NDRG3: variants seen among roughly 807,000 people sequenced by gnomAD.
NDRG3 encodes the protein NDRG family member 3, also known as protein NDRG3.
NDRG3 carries 23 observed loss-of-function variants against 57.2 expected under a neutral mutation model. That is an observed-to-expected ratio of 0.40 (90% confidence interval 0.29 to 0.57). NDRG3 has a LOEUF of 0.57. Among genes scored for constraint, NDRG3 ranks in the 20% least tolerant of loss-of-function variants. The pLI, the probability that NDRG3 is intolerant of heterozygous loss-of-function variation, is 0.42. For synonymous variants in NDRG3, 132 were observed against 162.6 expected, an observed-to-expected ratio of 0.81 and a Z score of 1.43; for missense variants, 384 against 457.3, an observed-to-expected ratio of 0.84 and a Z score of 1.46.
At chr20:36,660,555 TATTTATTTA>T (rs1979087909) in intron 12 of NDRG3, among the ~76,000 whole-genome samples, 171 bp from the exon 13 acceptor site, 1 of 150,918 alleles carries the variant, frequency 6.6e-6, no homozygotes, top group African/African-American at 2.5e-5. Flanking sequence ...TTTATTTATT[TATTTATTTA>T]TTTATTTTTT....
rs756040684 is a variant in NDRG3 at position 36,656,582 on chromosome 20, T to C, written c.859-50A>G. 3.7e-6 allele frequency: 6 copies of C among 1,606,564 alleles called. No homozygotes were observed. The South Asian group carries it at 4.4e-5, about 12-fold the overall frequency. On this transcript the variant is annotated intron_variant, in intron 13 of 15. Transcript: ENST00000349004. Reference sequence around the variant, plus strand: ...CAGCTGGGACTTACCCTTAAGAGAATTGCTCTGAACACCCCAAGTCCTTTC... The same window carrying C: ...CAGCTGGGACTTACCCTTAAGAGAACTGCTCTGAACACCCCAAGTCCTTTC...
At chr20:36,703,410 A>C (rs980302963) in intron 3 of NDRG3, among the ~76,000 whole-genome samples, 11 of 147,344 alleles carry the variant, frequency 7.5e-5, no homozygotes, top group Non-Finnish European at 1.2e-4. Flanking sequence ...AAATATATAT[A>C]TATGTAATAT....
chr20:36,745,970 A>T (rs1986171640), intron 1 of NDRG3, 75 bp downstream of exon 1: 4 of 302,754 alleles, frequency 1.3e-5, no homozygotes, highest in Admixed American at 5.1e-5. Flanking sequence ...GCGGGGAAGG[A>T]GCAGGGCAAA....
chr20:36,745,615 C>G (rs1268092887), intron 1 of NDRG3, among the ~76,000 whole-genome samples: 2 of 152,232 alleles, frequency 1.3e-5, no homozygotes, highest in African/African-American at 2.4e-5. Flanking sequence ...CGGACGGGTG[C>G]AAGGGCTGCT....
chr20:36,731,052 A>G lies in NDRG3; in HGVS notation c.-48-9269T>C, dbSNP rs1985257384. ...AAGAATTATGGAACAATGAATGGAA[A>G]TTAGTGAGCTGAGAAAAAGTAACAG... On this transcript the variant is annotated intron_variant, in intron 1 of 15. Transcript: ENST00000349004. Among the ~76,000 whole-genome samples, 4 of 152,300 alleles carry G rather than the reference A, an allele frequency of 2.6e-5. No homozygotes were observed. The South Asian group carries it at 8.3e-4, about 32-fold the overall frequency.
intron 1 of NDRG3, among the ~76,000 whole-genome samples, chr20:36,736,784 AG>A (rs1234895511): frequency 6.6e-6 from 1 of 152,152 alleles, no homozygotes; most frequent in Non-Finnish European, 1.5e-5. Context: ...CATAAAGGAA[AG>A]TCTGGGTACC....
chr20:36,700,513 G>A, intron 3 of NDRG3: 1 of 531,124 alleles, frequency 1.9e-6, no homozygotes, highest in Non-Finnish European at 3.9e-6. Flanking sequence ...GAAGATGAAT[G>A]TGCAGAGACC....
chr20:36,692,025 T>C (rs1365281246), intron 3 of NDRG3, among the ~76,000 whole-genome samples: 2 of 152,118 alleles, frequency 1.3e-5, no homozygotes, highest in Non-Finnish European at 2.9e-5. Context: ...ATAGGTGCTA[T>C]AAAAGAAACA....
At chr20:36,657,650 T>C (rs564008518) in intron 13 of NDRG3, among the ~76,000 whole-genome samples, 19 of 152,282 alleles carry the variant, frequency 1.2e-4, no homozygotes, top group African/African-American at 4.6e-4. Flanking sequence ...CTGACTGGCT[T>C]TTTTTAAAAA....
At chr20:36,727,404 G>C (rs1985004681) in intron 1 of NDRG3, among the ~76,000 whole-genome samples, 1 of 151,526 alleles carries the variant, frequency 6.6e-6, no homozygotes. Context: ...ATTTTTAGTA[G>C]AGACGGGGTT....
At chr20:36,684,330 A>T (rs1981588753) in intron 6 of NDRG3, 83 bp downstream of exon 6, 3 of 1,171,848 alleles carry the variant, frequency 2.6e-6, no homozygotes, top group Non-Finnish European at 3.8e-6. Context: ...TTTCCTAACC[A>T]TCATATCCTC....
chr20:36,732,771 G>A lies in NDRG3; in HGVS notation c.-48-10988C>T, dbSNP rs566966482. 3.3e-5 allele frequency among the ~76,000 whole-genome samples: 5 copies of A among 152,088 alleles called. No homozygotes were observed. In the South Asian group the frequency reaches 1.0e-3, roughly 32 times the overall value. On this transcript the variant is annotated intron_variant, in intron 1 of 15. Coordinates refer to ENST00000349004, the MANE Select transcript of NDRG3 (RefSeq NM_032013.4). ...GAGGGTACACTTGGCCTGACCCTGG[G>A]GACATGAGGGTCTCAGCTTGTATCT...
chr20:36,687,469 A>C, intron 5 of NDRG3, 23 bp downstream of exon 5: 2 of 1,610,588 alleles, frequency 1.2e-6, no homozygotes, highest in East Asian at 2.2e-5. Context: ...CACGTCTCCC[A>C]GATGATCTTT....
At chr20:36,660,556 A>ATT (rs1487562525) in intron 12 of NDRG3, among the ~76,000 whole-genome samples, 172 bp from the exon 13 acceptor site, 13 of 150,346 alleles carry the variant, frequency 8.6e-5, no homozygotes, top group African/African-American at 2.0e-4. Flanking sequence ...TTATTTATTT[A>ATT]TTTATTTATT....
chr20:36,691,070 T>C (rs6101818), intron 3 of NDRG3, among the ~76,000 whole-genome samples: 9,675 of 152,314 alleles, frequency 0.064, 1,069 homozygotes, highest in African/African-American at 0.22. Flanking sequence ...GTATCTATCT[T>C]ACAAAGTCTT....
At position 36,721,673 on chromosome 20, in the gene NDRG3, C is replaced by A. The variant is rs1332069428; in HGVS notation, c.57+6G>T. 1 of 1,585,756 alleles carries A rather than the reference C, an allele frequency of 6.3e-7. No individual in the cohort carries two copies. Among genetic ancestry groups the A allele is most frequent in the Admixed American group, 1.7e-5 (1 of 58,542 alleles). On this transcript the variant is annotated splice_donor_region_variant and intron_variant, in intron 2 of 15. Coordinates refer to ENST00000349004, the MANE Select transcript of NDRG3 (RefSeq NM_032013.4). ...CATATTTTAGTGAAAACAGAAAAGT[C>A]TTTACCTTATCATTTAGAAGTGGTT...
chr20:36,702,746 T>C (rs1237116790), intron 3 of NDRG3, among the ~76,000 whole-genome samples: 3 of 151,392 alleles, frequency 2.0e-5, no homozygotes, highest in East Asian at 3.9e-4. Flanking sequence ...TGGAGTGCAA[T>C]GGTGCGATCT....
At chr20:36,693,123 TATATATATATATATATATAC>T (rs1434954412) in intron 3 of NDRG3, among the ~76,000 whole-genome samples, 83 of 59,130 alleles carry the variant, frequency 1.4e-3, no homozygotes, top group South Asian at 2.9e-3. Context: ...TATATATATA[TATATATATATATATATATAC>T]ACACACACAC....
rs116253546 is a variant in NDRG3 at position 36,709,875 on chromosome 20, G to A, written c.58-2868C>T. Among the ~76,000 whole-genome samples, 991 of 151,866 alleles carry A rather than the reference G, an allele frequency of 6.5e-3. 11 individuals are homozygous for A. Among genetic ancestry groups the A allele is most frequent in the African/African-American group, 0.022 (925 of 41,386 alleles). ...ATAAGCCAATATAAAAAAATTAAATGTTGAGGAAATTCTGTTAAAATTTTG... is the reference window on the plus strand; with the variant it reads ...ATAAGCCAATATAAAAAAATTAAATATTGAGGAAATTCTGTTAAAATTTTG... On this transcript the variant is annotated intron_variant, in intron 2 of 15. Transcript: ENST00000349004.
Sources: allele counts gnomAD v4.1 joint callset (sites outside exome capture counted in the v4.1 genomes callset), GRCh38; gene constraint gnomAD v4.1.1; transcripts MANE v1.5; gene names NCBI Gene and HGNC (gene_info 2026-07-23, HGNC 2026-07-21).